Variants in TMPRSS11E observed in about 807,000 individuals in gnomAD.
TMPRSS11E encodes the protein transmembrane protease serine 11E.
TMPRSS11E carries 38 observed loss-of-function variants against 48.1 expected under a neutral mutation model. That is an observed-to-expected ratio of 0.79 (90% confidence interval 0.61 to 1.04). The LOEUF is 1.04. Ranked by LOEUF, TMPRSS11E falls within the 50% of genes least tolerant of loss-of-function variation. TMPRSS11E has a pLI of 0.00. For synonymous variants in TMPRSS11E, 158 were observed against 171.9 expected (o/e 0.92, Z 0.63); for missense variants, 530 against 510.8 (o/e 1.04, Z -0.36).
intron 2 of TMPRSS11E, among the ~76,000 whole-genome samples, chr4:68,465,844 T>C (rs1728913449): frequency 6.6e-6 from 1 of 152,196 alleles, no homozygotes; most frequent in Non-Finnish European, 1.5e-5. Flanking sequence ...ATTTGTTGAA[T>C]GAATACATTA....
chr4:68,468,780 C>T (rs1457392991), intron 3 of TMPRSS11E, 99 bp from the exon 4 acceptor site: 5 of 913,272 alleles, frequency 5.5e-6, no homozygotes, highest in Admixed American at 1.9e-5. Context: ...ATGTTTTTTG[C>T]TCTGTTTTGT....
intron 4 of TMPRSS11E, among the ~76,000 whole-genome samples, chr4:68,469,792 T>A (rs142571868): frequency 1.5e-3 from 235 of 152,008 alleles, no homozygotes; most frequent in African/African-American, 5.0e-3. Flanking sequence ...TATATACACA[T>A]CCCCATGTGG....
intron 9 of TMPRSS11E, among the ~76,000 whole-genome samples, chr4:68,496,090 G>C (rs1385922256): frequency 6.6e-6 from 1 of 152,042 alleles, no homozygotes; most frequent in Non-Finnish European, 1.5e-5. Context: ...TACATTCACT[G>C]TCTTACATCA....
intron 2 of TMPRSS11E, among the ~76,000 whole-genome samples, chr4:68,465,572 CA>C (rs1728905458): frequency 6.6e-6 from 1 of 151,964 alleles, no homozygotes; most frequent in Admixed American, 6.6e-5. Flanking sequence ...ATGTGGATAA[CA>C]TTGCCTTTTC....
chr4:68,481,011 T>G (rs1356442438), intron 9 of TMPRSS11E, among the ~76,000 whole-genome samples: 1 of 152,134 alleles, frequency 6.6e-6, no homozygotes, highest in South Asian at 2.1e-4. Flanking sequence ...TGTGTCCATA[T>G]GTACTCAATG....
At chr4:68,494,142 T>G (rs1729807121) in intron 9 of TMPRSS11E, among the ~76,000 whole-genome samples, 1 of 152,214 alleles carries the variant, frequency 6.6e-6, no homozygotes, top group East Asian at 1.9e-4. Flanking sequence ...AAAGAAGCCA[T>G]CTTTTCTTTG....
chr4:68,494,146 T>G (rs1729807239), intron 9 of TMPRSS11E, among the ~76,000 whole-genome samples: 1 of 152,254 alleles, frequency 6.6e-6, no homozygotes, highest in Non-Finnish European at 1.5e-5. Context: ...AAGCCATCTT[T>G]TCTTTGAACT....
chr4:68,462,757 A>G (rs916904678), intron 2 of TMPRSS11E, among the ~76,000 whole-genome samples: 1 of 152,102 alleles, frequency 6.6e-6, no homozygotes, highest in African/African-American at 2.4e-5. Flanking sequence ...TCATCTTAGG[A>G]TATATTGTAG....
At chr4:68,464,034 G>C (rs1728865153) in intron 2 of TMPRSS11E, among the ~76,000 whole-genome samples, 1 of 152,134 alleles carries the variant, frequency 6.6e-6, no homozygotes. Context: ...TCAGTAACCT[G>C]TTCCTGAATC....
intron 5 of TMPRSS11E, among the ~76,000 whole-genome samples, chr4:68,472,849 C>G (rs969210454): frequency 6.6e-6 from 1 of 151,908 alleles, no homozygotes; most frequent in African/African-American, 2.4e-5. Flanking sequence ...TCTCGACTTT[C>G]CATGGTGTTT....
chr4:68,455,748 A>C (rs1184531821), intron 1 of TMPRSS11E, among the ~76,000 whole-genome samples: 2 of 151,988 alleles, frequency 1.3e-5, no homozygotes, highest in Non-Finnish European at 2.9e-5. Flanking sequence ...TGAAGTGTGT[A>C]AAATTCCCTA....
Position 68,492,827 on chromosome 4 carries a change from G to T in TMPRSS11E, c.1111-3816G>T, listed in dbSNP as rs555758002. On this transcript the variant is annotated intron_variant, in intron 9 of 9. Transcript: ENST00000305363. ...CATTTGTGGTGACTTCACAGAACAC[G>T]ACTACCATGAATAATGAGAATAACC... is the stretch of plus-strand genomic sequence containing the variant. Among the ~76,000 whole-genome samples, 7 of 152,098 alleles carry T rather than the reference G, an allele frequency of 4.6e-5. 1 individual carries two copies. The highest frequency in any genetic ancestry group is 4.6e-4 in the Admixed American group (7 of 15,262).
intron 1 of TMPRSS11E, among the ~76,000 whole-genome samples, chr4:68,451,952 A>T (rs2109659418): frequency 6.6e-6 from 1 of 152,044 alleles, no homozygotes; most frequent in South Asian, 2.1e-4. Context: ...TACTACTTTG[A>T]TTTAACTGAC....
rs996884525 is a variant in TMPRSS11E, at chr4:68,447,634, A to T, written c.11+111A>T. 4.9e-6 allele frequency: 4 copies of T among 821,528 alleles called. No individual in the cohort carries two copies. In the East Asian group the frequency reaches 1.1e-4, roughly 23 times the overall value. 50.9% of individuals were successfully genotyped at this position (821,528 alleles called of 1,614,324 possible). On this transcript the variant is annotated intron_variant, in intron 1 of 9. Coordinates refer to ENST00000305363, the MANE Select transcript of TMPRSS11E (RefSeq NM_014058.4). ...TCTACAGTTTATTATTTTTTTAAAT[A>T]TAGAAACATATTTTTGAGATTTTAC...
At chr4:68,468,730 T>C in intron 3 of TMPRSS11E, 149 bp from the exon 4 acceptor site, 2 of 684,542 alleles carry the variant, frequency 2.9e-6, no homozygotes, top group Non-Finnish European at 5.3e-6. Context: ...CCACAATAGA[T>C]TCCTCAAGCT....
At chr4:68,474,049 A>G (rs531055394) in intron 5 of TMPRSS11E, among the ~76,000 whole-genome samples, 1 of 152,262 alleles carries the variant, frequency 6.6e-6, no homozygotes, top group African/African-American at 2.4e-5. Context: ...CTGCTGAGTC[A>G]GAAAGTTTGA....
At chr4:68,461,693 G>T in intron 1 of TMPRSS11E, 128 bp from the exon 2 acceptor site, 1 of 1,421,296 alleles carries the variant, frequency 7.0e-7, no homozygotes, top group Admixed American at 1.9e-5. Flanking sequence ...ACCAGGGTGT[G>T]CTCTAAACCC....
intron 9 of TMPRSS11E, among the ~76,000 whole-genome samples, chr4:68,488,862 A>G (rs1274557353): frequency 6.6e-6 from 1 of 152,140 alleles, no homozygotes; most frequent in Non-Finnish European, 1.5e-5. Context: ...TAAAATGGCA[A>G]TTTCATCTTT....
chr4:68,447,704 T>G (rs1385856931), intron 1 of TMPRSS11E, among the ~76,000 whole-genome samples, 181 bp downstream of exon 1: 3 of 152,012 alleles, frequency 2.0e-5, no homozygotes, highest in Non-Finnish European at 1.5e-5. Flanking sequence ...TCTGTATTAG[T>G]GTTTCCTGTC....
Sources: allele counts gnomAD v4.1 joint callset (sites outside exome capture counted in the v4.1 genomes callset), GRCh38; gene constraint gnomAD v4.1.1; transcripts MANE v1.5; gene names NCBI Gene and HGNC (gene_info 2026-07-23, HGNC 2026-07-21).